LRRK1: variants seen among roughly 807,000 people sequenced by gnomAD.
The protein encoded by LRRK1 is leucine-rich repeat serine/threonine-protein kinase 1.
In LRRK1, 113 loss-of-function variants were observed where a neutral mutation model predicts 209.1. The observed-to-expected ratio is 0.54, with a 90% confidence interval of 0.46 to 0.63. The LOEUF is 0.63. Among genes scored for constraint, LRRK1 ranks in the 30% least tolerant of loss-of-function variants. The pLI, the probability that LRRK1 is intolerant of heterozygous loss-of-function variation, is 0.00. For synonymous variants in LRRK1, 1,144 were observed against 1,099.7 expected (o/e 1.04, Z -0.80); for missense variants, 2,284 against 2,632.2 (o/e 0.87, Z 2.89).
At position 101,027,399 on chromosome 15, in the gene LRRK1, C is replaced by G. The variant is rs543056051; in HGVS notation, c.2526+18C>G. 5.6e-6 allele frequency: 9 copies of G among 1,608,740 alleles called. No homozygotes were observed. The highest frequency in any genetic ancestry group is 1.3e-5 in the African/African-American group (1 of 74,918). ...GGCGGCTGGTGGGTACCTTGCTGGT[C>G]CAGTTTAAACCAGTCTGCCTGCTTC... On this transcript the variant is annotated intron_variant, in intron 18 of 33. Transcript: ENST00000388948. The surrounding 1 kb of genome is among the most constrained non-coding windows in gnomAD (Gnocchi z 5.1).
chr15:101,010,961 G>A (rs372638738), intron 9 of LRRK1, 124 bp downstream of exon 9: 10 of 783,300 alleles, frequency 1.3e-5, no homozygotes, highest in South Asian at 5.6e-5. Context: ...AGAAGGGCCC[G>A]GTTCCCACAT....
chr15:100,941,036 T>C (rs914943920), intron 2 of LRRK1, among the ~76,000 whole-genome samples: 3 of 152,180 alleles, frequency 2.0e-5, no homozygotes, highest in Non-Finnish European at 4.4e-5. Context: ...ACACAGCTTC[T>C]CCCCTAGGTG....
intron 22 of LRRK1, 137 bp downstream of exon 22, chr15:101,048,794 A>G: frequency 3.1e-6 from 2 of 647,160 alleles, no homozygotes; most frequent in Non-Finnish European, 4.9e-6. Context: ...GCAGCTTGCT[A>G]GAAATGTGAG....
At chr15:101,001,982 T>C (rs1263943388) in intron 6 of LRRK1, among the ~76,000 whole-genome samples, 1 of 152,210 alleles carries the variant, frequency 6.6e-6, no homozygotes, top group Non-Finnish European at 1.5e-5. Context: ...GGAACACCTG[T>C]GTGCATATGT....
In LRRK1 at chr15:100,973,965, A is replaced by G. The variant is rs28468535; in HGVS notation, c.259A>G (p.Lys87Glu). ...ACDQCASQLE[K>E]GQLLSIPAAY... is the part of the protein sequence containing the mutation. ...CGACCAGTGCGCGTCCCAGCTGGAA[A>G]AGGTAGGGGAGCGCCTGCCCCTGCG... Residue 87 changes from lysine to glutamate, a missense_variant and splice_region_variant, in exon 3 of 34, where the codon AAG becomes GAG. By Grantham distance (56) the Lys-to-Glu change is moderately conservative. Coordinates refer to ENST00000388948, the MANE Select transcript of LRRK1 (RefSeq NM_024652.6). The G allele has an allele frequency of 1.7e-4, 209 of 1,248,036 alleles. 3 individuals are homozygous for G. The African/African-American group carries it at 3.0e-3, about 18-fold the overall frequency. 77.3% of individuals were successfully genotyped at this position (1,248,036 alleles called of 1,614,324 possible).
At chr15:100,962,100 G>T (rs539047765) in intron 2 of LRRK1, among the ~76,000 whole-genome samples, 1 of 152,100 alleles carries the variant, frequency 6.6e-6, no homozygotes, top group Non-Finnish European at 1.5e-5. Context: ...TGAAGAACTG[G>T]TTCACTAAGC....
chr15:101,051,768 C>T lies in LRRK1; in HGVS notation c.3497C>T (p.Pro1166Leu). ...CTCATGGAGCAGTACGTGCCCTGCC[C>T]GGTCTGCGAGACAGCCTGGGCCCAG... is the stretch of plus-strand genomic sequence containing the variant. ...TPLMEQYVPC[P>L]VCETAWAQHT... Residue 1166 changes from proline to leucine, a missense_variant, in exon 24 of 34, where the codon CCG (proline) becomes CTG (leucine). By Grantham distance (98) the Pro-to-Leu change is moderately conservative. Transcript: ENST00000388948. 1 of 1,614,020 alleles carries T rather than the reference C, an allele frequency of 6.2e-7. No homozygotes were observed.
chr15:101,038,361 C>G (rs2034583240), intron 20 of LRRK1, among the ~76,000 whole-genome samples: 1 of 152,164 alleles, frequency 6.6e-6, no homozygotes, highest in African/African-American at 2.4e-5. Flanking sequence ...CCCCAAAGCC[C>G]TATTGAAATT....
intron 26 of LRRK1, among the ~76,000 whole-genome samples, chr15:101,053,736 G>A (rs898625673): frequency 6.6e-6 from 1 of 152,220 alleles, no homozygotes; most frequent in African/African-American, 2.4e-5. Flanking sequence ...AGGGCACCGA[G>A]CACGGGAGCT....
In LRRK1 at chr15:100,919,440, C is replaced by A. The variant is rs1008047907; in HGVS notation, c.-134C>A. On this transcript the variant is annotated 5_prime_UTR_variant, in exon 1 of 34. Coordinates refer to ENST00000388948, the MANE Select transcript of LRRK1 (RefSeq NM_024652.6). This position sits in a 1 kb window ranked among gnomAD's most constrained non-coding sequence, Gnocchi z 5.8. Reference sequence around the variant, plus strand: ...CCCGGAGCGCCCGCACCCGGCCCCGCCGCCGCCTCAGGTAAGCGCCGCTCC... The same window carrying A: ...CCCGGAGCGCCCGCACCCGGCCCCGACGCCGCCTCAGGTAAGCGCCGCTCC... The A allele has an allele frequency of 1.3e-5, 2 of 148,906 alleles. No homozygotes were observed. The highest frequency in any genetic ancestry group is 4.9e-5 in the African/African-American group (2 of 40,994). 9.2% of individuals were successfully genotyped at this position (148,906 alleles called of 1,614,324 possible).
intron 4 of LRRK1, chr15:100,988,420 T>C (rs2031985107): frequency 1.7e-6 from 1 of 594,596 alleles, no homozygotes; most frequent in Non-Finnish European, 3.0e-6. Context: ...GTTGTTGCGT[T>C]AGTTCACTTA....
rs185986818 is a variant in LRRK1 at position 101,041,288 on chromosome 15, T to C, written c.2964-4693T>C. Among the ~76,000 whole-genome samples, 5 of 152,348 alleles carry C rather than the reference T, an allele frequency of 3.3e-5. No homozygotes were observed. In the East Asian group the frequency reaches 9.7e-4, roughly 29 times the overall value. On this transcript the variant is annotated intron_variant, in intron 20 of 33. Transcript: ENST00000388948. ...ATGATCTCTATAAAAAAGGAATCTCTTGCTGACAGCACATTATCCAATCTG... is the reference window on the plus strand; with the variant it reads ...ATGATCTCTATAAAAAAGGAATCTCCTGCTGACAGCACATTATCCAATCTG...
At chr15:101,050,311 T>C (rs924786352) in intron 23 of LRRK1, among the ~76,000 whole-genome samples, 47 of 152,168 alleles carry the variant, frequency 3.1e-4, no homozygotes, top group African/African-American at 1.1e-3. Flanking sequence ...TGTTTCTTCA[T>C]TGATAGTTCA....
chr15:101,011,899 A>G (rs1345507590), intron 9 of LRRK1, 109 bp from the exon 10 acceptor site: 6 of 779,092 alleles, frequency 7.7e-6, no homozygotes, highest in Admixed American at 2.4e-5. Context: ...ATTACAGGAC[A>G]TTATTGTAAT....
chr15:100,963,040 C>A (rs1401456931), intron 2 of LRRK1, among the ~76,000 whole-genome samples: 1 of 150,848 alleles, frequency 6.6e-6, no homozygotes, highest in African/African-American at 2.4e-5. Flanking sequence ...CCAGGCTGGT[C>A]TTGAACTCCC....
At chr15:100,922,585 T>C (rs1023967278) in intron 1 of LRRK1, among the ~76,000 whole-genome samples, 1 of 152,206 alleles carries the variant, frequency 6.6e-6, no homozygotes, top group Admixed American at 6.5e-5. Context: ...ATGGCAACTG[T>C]GCTTCTCAGT....
rs765636412 is a variant in LRRK1, at chr15:100,921,643, C to T, written c.-123+2192C>T. Among the ~76,000 whole-genome samples the T allele has an allele frequency of 3.9e-5, 6 of 152,244 alleles. No individual in the cohort carries two copies. In the South Asian group the frequency reaches 6.2e-4, roughly 16 times the overall value. Reference sequence around the variant, plus strand: ...GCAATTACTTAGCTGTCTGCTCCCCCACCAGCTTCACAAACTCATGAAGTT... The same window carrying T: ...GCAATTACTTAGCTGTCTGCTCCCCTACCAGCTTCACAAACTCATGAAGTT... On this transcript the variant is annotated intron_variant, in intron 1 of 33. Coordinates refer to ENST00000388948, the MANE Select transcript of LRRK1 (RefSeq NM_024652.6).
intron 1 of LRRK1, among the ~76,000 whole-genome samples, chr15:100,920,958 T>G (rs2042010456): frequency 6.6e-6 from 1 of 152,146 alleles, no homozygotes; most frequent in Admixed American, 6.5e-5. Context: ...ACTGGTCCCC[T>G]GCACTGCTGC....
chr15:101,037,048 T>C (rs148057234), intron 20 of LRRK1, among the ~76,000 whole-genome samples: 2 of 152,126 alleles, frequency 1.3e-5, no homozygotes, highest in Non-Finnish European at 2.9e-5. Flanking sequence ...CTGGCACCAG[T>C]GTTAGAGGGT....
Sources: gnomAD v4.1 joint callset for allele counts (sites outside exome capture counted in the v4.1 genomes callset) on GRCh38, gnomAD v4.1.1 for gene constraint, Gnocchi (gnomAD v3.1) non-coding constraint, MANE v1.5 for transcripts, NCBI Gene and HGNC (gene_info 2026-07-23, HGNC 2026-07-21) for gene names.